The following GTPBP10 variants were observed in gnomAD, a reference collection of about 807,000 sequenced individuals.
GTPBP10 encodes GTP binding protein 10.
A neutral mutation model predicts 44.8 loss-of-function variants in GTPBP10; 38 were observed. The ratio of observed to expected loss-of-function variants is 0.85; its 90% confidence interval spans 0.65 to 1.11. GTPBP10 has a LOEUF of 1.11. Among genes scored for constraint, GTPBP10 ranks in the 50% most tolerant of loss-of-function variants. The probability of loss-of-function intolerance (pLI) is 0.00; values close to 1 mark genes in which losing one functional copy is unlikely to be tolerated. For missense variants in GTPBP10, 462 were observed against 453.7 expected (o/e 1.02, Z -0.17); for synonymous variants, 152 against 150.6 (o/e 1.01, Z -0.07).
chr7:90,365,368 CTTTTTTTT>C (rs59645149), intron 4 of GTPBP10, among the ~76,000 whole-genome samples: 5 of 90,364 alleles, frequency 5.5e-5, no homozygotes, highest in African/African-American at 1.8e-4. Flanking sequence ...TTGGGGTTTT[CTTTTTTTT>C]TTTTTTTTTT....
chr7:90,353,027 G>A lies in GTPBP10; in HGVS notation c.227+18G>A. 1.4e-6 allele frequency: 2 copies of A among 1,471,872 alleles called. No homozygotes were observed. The highest frequency in any genetic ancestry group is 1.8e-6 in the Non-Finnish European group (2 of 1,097,846). 91.2% of individuals were successfully genotyped at this position (1,471,872 alleles called of 1,614,324 possible). ...AACAGCAAGTAAGTAATTACTGAAT[G>A]ACTTAAATTTTAGAAAATCAAACCC... On this transcript the variant is annotated intron_variant, in intron 2 of 9. Transcript: ENST00000222511.
intron 8 of GTPBP10, among the ~76,000 whole-genome samples, chr7:90,380,175 T>G (rs529777493): frequency 3.3e-5 from 5 of 150,804 alleles, no homozygotes; most frequent in African/African-American, 1.2e-4. Context: ...ACCTCCCAAG[T>G]TCAAGTGATT....
At chr7:90,361,687 A>T (rs1425030502) in intron 4 of GTPBP10, among the ~76,000 whole-genome samples, 2 of 152,186 alleles carry the variant, frequency 1.3e-5, no homozygotes, top group Non-Finnish European at 2.9e-5. Context: ...ATTGATTGGA[A>T]TGGTTTCAGA....
rs1206452083 is a variant in GTPBP10, at chr7:90,386,599, A to C, written c.*1445A>C. 6.6e-6 allele frequency: 1 copy of C among 152,162 alleles called. No homozygotes were observed. The highest frequency in any genetic ancestry group is 1.5e-5 in the Non-Finnish European group (1 of 68,032). The allele number at this position is 152,162 out of a possible 1,614,324, so 9.4% of individuals were successfully genotyped here. On this transcript the variant is annotated 3_prime_UTR_variant, in exon 10 of 10. Coordinates refer to ENST00000222511, the MANE Select transcript of GTPBP10 (RefSeq NM_033107.4). ...CATAGCGGTACATGCCTGTAATCCT[A>C]GCACTTTGGGATGCCAAGGCGGGAG...
At chr7:90,350,641 C>A (rs1795774017) in intron 1 of GTPBP10, among the ~76,000 whole-genome samples, 1 of 152,178 alleles carries the variant, frequency 6.6e-6, no homozygotes, top group South Asian at 2.1e-4. Context: ...AAATAGGAAT[C>A]CTGCATCTAC....
intron 4 of GTPBP10, among the ~76,000 whole-genome samples, chr7:90,364,956 C>T (rs1029685575): frequency 2.0e-5 from 3 of 152,176 alleles, no homozygotes; most frequent in Non-Finnish European, 4.4e-5. Context: ...TCATGTTGTG[C>T]CATTTGCTAA....
chr7:90,384,175 C>T (rs1415549073), intron 9 of GTPBP10, among the ~76,000 whole-genome samples: 1 of 152,144 alleles, frequency 6.6e-6, no homozygotes, highest in African/African-American at 2.4e-5. Context: ...GAGTTATCCT[C>T]TCTGGACTTT....
rs572712174 is a variant in GTPBP10, at chr7:90,372,187, G to T, written c.497G>T (p.Ser166Ile). The change falls in exon 5 of 10, where the codon AGT (serine) becomes ATT (isoleucine). Residue 166 changes from serine (S) to isoleucine (I), a missense_variant. Physicochemically the swap from Ser to Ile is moderately radical, Grantham distance 142. Coordinates refer to ENST00000222511, the MANE Select transcript of GTPBP10 (RefSeq NM_033107.4). ...FPNAGKSSLLSCVSHAKPAIA... is the reference protein window; with the variant it reads ...FPNAGKSSLLICVSHAKPAIA... ...AATGCTGGAAAATCCTCTTTGCTAA[G>T]TTGTGTTTCTCATGCAAAACCTGCA... 3 of 1,607,394 alleles carry T rather than the reference G, an allele frequency of 1.9e-6. No homozygotes were observed. The highest frequency in any genetic ancestry group is 2.5e-6 in the Non-Finnish European group (3 of 1,176,484).
intron 6 of GTPBP10, among the ~76,000 whole-genome samples, chr7:90,375,271 A>T (rs1327685080): frequency 6.6e-6 from 1 of 152,148 alleles, no homozygotes; most frequent in African/African-American, 2.4e-5. Context: ...GAGAACTTTT[A>T]GGGTACACTA....
chr7:90,353,013 A>C lies in GTPBP10; in HGVS notation c.227+4A>C. On this transcript the variant is annotated splice_donor_region_variant and intron_variant, in intron 2 of 9. Coordinates refer to ENST00000222511, the MANE Select transcript of GTPBP10 (RefSeq NM_033107.4). Reference sequence around the variant, plus strand: ...CTGGAGTAGGAGCAAACAGCAAGTAAGTAATTACTGAATGACTTAAATTTT... The same window carrying C: ...CTGGAGTAGGAGCAAACAGCAAGTACGTAATTACTGAATGACTTAAATTTT... 1 of 1,542,500 alleles carries C rather than the reference A, an allele frequency of 6.5e-7. No individual in the cohort carries two copies. Among genetic ancestry groups the C allele is most frequent in the Non-Finnish European group, 8.8e-7 (1 of 1,138,372 alleles).
chr7:90,371,138 CAAAT>C, intron 4 of GTPBP10: 1 of 882,722 alleles, frequency 1.1e-6, no homozygotes, highest in Non-Finnish European at 1.4e-6. Flanking sequence ...TTTAAAAAAA[CAAAT>C]AATACACACT....
At chr7:90,359,486 G>T (rs1198329637) in intron 4 of GTPBP10, among the ~76,000 whole-genome samples, 1 of 151,994 alleles carries the variant, frequency 6.6e-6, no homozygotes, top group Non-Finnish European at 1.5e-5. Context: ...TTTTTTTATG[G>T]CTGCATACCA....
chr7:90,361,628 G>A (rs955214071), intron 4 of GTPBP10, among the ~76,000 whole-genome samples: 2 of 152,202 alleles, frequency 1.3e-5, no homozygotes, highest in Admixed American at 1.3e-4. Context: ...CTGGTATCAG[G>A]ATGATGCTGG....
chr7:90,373,542 A>T (rs1796296921), intron 5 of GTPBP10, among the ~76,000 whole-genome samples: 1 of 152,236 alleles, frequency 6.6e-6, no homozygotes, highest in Non-Finnish European at 1.5e-5. Flanking sequence ...ATAAATCACA[A>T]GGCCAATATT....
At chr7:90,360,788 A>G (rs988862394) in intron 4 of GTPBP10, among the ~76,000 whole-genome samples, 14 of 152,118 alleles carry the variant, frequency 9.2e-5, no homozygotes. Context: ...ATGTTCTTCC[A>G]TTTGTTTGTG....
At chr7:90,366,705 A>G (rs1021249892) in intron 4 of GTPBP10, among the ~76,000 whole-genome samples, 1 of 138,748 alleles carries the variant, frequency 7.2e-6, no homozygotes, top group African/African-American at 2.7e-5. Flanking sequence ...GTCTATTTAT[A>G]TTGTAGATTC....
At chr7:90,362,117 T>C (rs1796035045) in intron 4 of GTPBP10, among the ~76,000 whole-genome samples, 1 of 152,200 alleles carries the variant, frequency 6.6e-6, no homozygotes, top group South Asian at 2.1e-4. Context: ...AAGGGTTTTT[T>C]GTGTCTCTAT....
intron 1 of GTPBP10, among the ~76,000 whole-genome samples, chr7:90,349,944 T>C (rs1428174139): frequency 3.3e-5 from 5 of 152,082 alleles, no homozygotes; most frequent in Admixed American, 6.5e-5. Flanking sequence ...AATTATACTT[T>C]AAGTTCTAGG....
At chr7:90,349,996 T>C (rs1234662498) in intron 1 of GTPBP10, among the ~76,000 whole-genome samples, 2 of 152,150 alleles carry the variant, frequency 1.3e-5, no homozygotes, top group East Asian at 3.8e-4. Flanking sequence ...TAGGTATACA[T>C]GTGCCATGTT....
Sources: gnomAD v4.1 joint callset for allele counts (sites outside exome capture counted in the v4.1 genomes callset) on GRCh38, gnomAD v4.1.1 for gene constraint, MANE v1.5 for transcripts, NCBI Gene and HGNC (gene_info 2026-07-23, HGNC 2026-07-21) for gene names.